JAK1: variants seen among roughly 807,000 people sequenced by gnomAD.
JAK1 encodes tyrosine-protein kinase JAK1.
JAK1 carries 16 observed loss-of-function variants against 136.6 expected under a neutral mutation model. The ratio of observed to expected loss-of-function variants is 0.12; its 90% CI spans 0.08 to 0.18. The LOEUF (loss-of-function observed/expected upper bound fraction) is 0.18. Among genes scored for constraint, JAK1 ranks in the 10% least tolerant of loss-of-function variants. The pLI is 1.00. For synonymous variants in JAK1, 492 were observed against 519.5 expected (o/e 0.95, Z 0.72); for missense variants, 859 against 1,450.1 (o/e 0.59, Z 6.62).
At chr1:64,921,990 T>C (rs1645501254) in intron 1 of JAK1, among the ~76,000 whole-genome samples, 2 of 151,632 alleles carry the variant, frequency 1.3e-5, no homozygotes, top group African/African-American at 2.4e-5. Flanking sequence ...ACAAGCAGAG[T>C]AGATCGGCAT....
intron 6 of JAK1, among the ~76,000 whole-genome samples, chr1:64,869,105 A>T (rs1017253119): frequency 2.0e-5 from 3 of 152,224 alleles, no homozygotes; most frequent in Non-Finnish European, 4.4e-5. Context: ...CCAAGCACAA[A>T]TTTCTGAGAT....
intron 8 of JAK1, among the ~76,000 whole-genome samples, chr1:64,863,951 T>C (rs1656528400): frequency 6.6e-6 from 1 of 152,200 alleles, no homozygotes; most frequent in Non-Finnish European, 1.5e-5. Flanking sequence ...CAGAGGGATA[T>C]ATAAATATTT....
In JAK1 at chr1:64,839,670, T is replaced by C; in HGVS notation, c.2775A>G (p.Glu925=). The C allele has an allele frequency of 6.2e-7, 1 of 1,614,198 alleles. No homozygotes were observed. The highest frequency in any genetic ancestry group is 2.2e-5 in the East Asian group (1 of 44,890). Reference sequence around the variant, plus strand: ...GATAGAGGTTCCTTAAGATCTCGATTTCCTTTTTCAGATCAGCTATGTGGT... The same window carrying C: ...GATAGAGGTTCCTTAAGATCTCGATCTCCTTTTTCAGATCAGCTATGTGGT... ...GGNHIADLKK[E]IEILRNLYHE... Residue 925 remains glutamate, a synonymous_variant, in exon 20 of 25, where the codon GAA becomes GAG. Coordinates refer to ENST00000342505, the MANE Select transcript of JAK1 (RefSeq NM_002227.4).
At chr1:65,064,576 CA>C (rs1342404503) in intron 1 of JAK1, among the ~76,000 whole-genome samples, 6 of 152,224 alleles carry the variant, frequency 3.9e-5, no homozygotes, top group African/African-American at 1.4e-4. Flanking sequence ...TGAATGGAGA[CA>C]CTGAGTGAGA....
At chr1:65,039,251 T>A (rs1057298609) in intron 2 of JAK1, among the ~76,000 whole-genome samples, 18 of 152,230 alleles carry the variant, frequency 1.2e-4, no homozygotes, top group Non-Finnish European at 2.1e-4. Context: ...AGTTGCTCTC[T>A]TTGTTCCCAC....
intron 1 of JAK1, among the ~76,000 whole-genome samples, chr1:64,912,429 T>C (rs904350709): frequency 3.3e-5 from 5 of 152,244 alleles, no homozygotes; most frequent in Non-Finnish European, 7.3e-5. Flanking sequence ...GTTAAGGGCA[T>C]ACACATTGCA....
At chr1:64,947,420 G>C (rs923298616) in intron 1 of JAK1, among the ~76,000 whole-genome samples, 1 of 152,142 alleles carries the variant, frequency 6.6e-6, no homozygotes, top group African/African-American at 2.4e-5. Context: ...AGGGAGATTT[G>C]ATAAACAGAC....
At chr1:64,896,111 G>A (rs558879516) in intron 1 of JAK1, among the ~76,000 whole-genome samples, 2 of 152,190 alleles carry the variant, frequency 1.3e-5, no homozygotes, top group African/African-American at 2.4e-5. Context: ...AATTGAAAAC[G>A]GTGATCAGAT....
At chr1:65,066,332 C>T (rs1648040470) in intron 1 of JAK1, among the ~76,000 whole-genome samples, 2 of 152,166 alleles carry the variant, frequency 1.3e-5, no homozygotes, top group Admixed American at 1.3e-4. Flanking sequence ...CAGCAAAGCA[C>T]CCCTCTCCCC....
chr1:65,032,110 C>T (rs1647029204), intron 2 of JAK1, among the ~76,000 whole-genome samples: 1 of 152,028 alleles, frequency 6.6e-6, no homozygotes, highest in Non-Finnish European at 1.5e-5. Context: ...GGACTACAGG[C>T]ACGCACCACC....
At chr1:64,838,190 G>GT (rs1418741613) in intron 21 of JAK1, 86 bp from the exon 22 acceptor site, 1 of 1,336,366 alleles carries the variant, frequency 7.5e-7, no homozygotes, top group African/African-American at 1.5e-5. Context: ...AAATAGAAAT[G>GT]TCATTTCATT....
chr1:65,033,719 T>C (rs1384122495), intron 2 of JAK1, among the ~76,000 whole-genome samples: 3 of 105,532 alleles, frequency 2.8e-5, no homozygotes, highest in East Asian at 9.3e-4. Context: ...GAGACTCCCG[T>C]AGTACCAAAA....
chr1:64,985,479 G>A, intron 2 of JAK1: 3 of 1,599,534 alleles, frequency 1.9e-6, no homozygotes, highest in Non-Finnish European at 2.6e-6. Context: ...GGGACTTTCA[G>A]GGCAAAAAGG....
In JAK1 at chr1:65,045,220, G is replaced by A. The variant is rs577675545; in HGVS notation, c.-180-638C>T. Among the ~76,000 whole-genome samples, 97 of 152,292 alleles carry A rather than the reference G, an allele frequency of 6.4e-4. 1 individual carries two copies. The South Asian group carries it at 6.6e-3, about 10-fold the overall frequency. Reference sequence around the variant, plus strand: ...AAAGCTGAGCTCTAATAACTGCAGCGGACTTCTTACTTTGCTCCCATGGCT... The same window carrying A: ...AAAGCTGAGCTCTAATAACTGCAGCAGACTTCTTACTTTGCTCCCATGGCT... On this transcript the variant is annotated intron_variant, in intron 1 of 25. Coordinates refer to the JAK1 transcript ENST00000671954.
In JAK1 at chr1:64,857,604, A is replaced by G. The variant is rs569804060; in HGVS notation, c.1458+52T>C. On this transcript the variant is annotated intron_variant, in intron 10 of 24. Transcript: ENST00000342505. ...TGCAGCAGCTCCTGAACCAGGCTAC[A>G]CTGGACACCTCATGGCTGTATGGCC... The G allele has an allele frequency of 3.7e-6, 6 of 1,609,154 alleles. No individual in the cohort carries two copies. The Admixed American group carries it at 5.0e-5, about 13-fold the overall frequency.
chr1:64,875,134 A>G (rs310231), intron 4 of JAK1, among the ~76,000 whole-genome samples: 51,480 of 152,154 alleles, frequency 0.34, 9,194 homozygotes, highest in African/African-American at 0.44. Context: ...TGCTTAAAGG[A>G]TAAGTTGTCC....
intron 2 of JAK1, among the ~76,000 whole-genome samples, chr1:65,017,434 C>A (rs1374253484): frequency 2.0e-5 from 3 of 152,240 alleles, no homozygotes; most frequent in African/African-American, 7.2e-5. Context: ...CGCCACTGCA[C>A]TCCAGCCTGG....
At chr1:65,013,792 G>A (rs1338848147) in intron 2 of JAK1, among the ~76,000 whole-genome samples, 2 of 152,130 alleles carry the variant, frequency 1.3e-5, no homozygotes, top group East Asian at 1.9e-4. Context: ...TAAGCATCAC[G>A]TATGAGAGCT....
intron 1 of JAK1, among the ~76,000 whole-genome samples, chr1:64,896,695 A>G (rs1645018644): frequency 6.6e-6 from 1 of 152,224 alleles, no homozygotes. Flanking sequence ...AGCACATAGC[A>G]AGGTAATAAT....
Sources: gnomAD v4.1 joint callset for allele counts (sites outside exome capture counted in the v4.1 genomes callset) on GRCh38, gnomAD v4.1.1 for gene constraint, MANE v1.5 for transcripts, NCBI Gene and HGNC (gene_info 2026-07-23, HGNC 2026-07-21) for gene names.